Variants in DBH observed in about 807,000 individuals in gnomAD.
DBH encodes the protein dopamine beta-hydroxylase (dopamine beta-monooxygenase).
DBH carries 49 observed loss-of-function variants against 64.0 expected under a neutral mutation model. That is an observed-to-expected ratio of 0.77 (90% CI 0.61 to 0.97). The LOEUF (loss-of-function observed/expected upper bound fraction) is 0.97. Ranked by LOEUF, DBH falls within the 50% of genes least tolerant of loss-of-function variation. The probability of loss-of-function intolerance (pLI) is 0.00; values close to 1 mark genes in which losing one functional copy is unlikely to be tolerated. For missense variants in DBH, 828 were observed against 826.6 expected (o/e 1.00, Z -0.02); for synonymous variants, 343 against 347.1 (o/e 0.99, Z 0.13).
At chr9:133,642,687 T>C (rs1448779885) in intron 3 of DBH, among the ~76,000 whole-genome samples, 1 of 152,152 alleles carries the variant, frequency 6.6e-6, no homozygotes, top group Non-Finnish European at 1.5e-5. Flanking sequence ...AGCTCCCACT[T>C]CCCTGCCTGG....
At chr9:133,641,290 C>T (rs1832113394) in intron 2 of DBH, among the ~76,000 whole-genome samples, 1 of 152,206 alleles carries the variant, frequency 6.6e-6, no homozygotes, top group Admixed American at 6.5e-5. Flanking sequence ...TGGGGCAGAC[C>T]TGGTGCCAGA....
rs1030189411 is a variant in DBH at position 133,647,708 on chromosome 9, C to T, written c.1025-138C>T. 1.0e-5 allele frequency: 10 copies of T among 1,002,746 alleles called. 1 individual carries two copies. The highest frequency in any genetic ancestry group is 6.9e-5 in the South Asian group (5 of 72,240). The allele number at this position is 1,002,746 out of a possible 1,614,324, so 62.1% of individuals were successfully genotyped here. ...GACAGCCAGCTCTTGGTCTGCCTAG[C>T]AGGTGGGAGCAGATGGGGGGTGACC... On this transcript the variant is annotated intron_variant, in intron 5 of 11. Coordinates refer to ENST00000393056, the MANE Select transcript of DBH (RefSeq NM_000787.4).
intron 7 of DBH, 148 bp downstream of exon 7, chr9:133,651,925 C>A: frequency 1.2e-6 from 1 of 827,328 alleles, no homozygotes; most frequent in Non-Finnish European, 1.9e-6. Context: ...CCCATGTGGC[C>A]TGTGCTCCCC....
intron 7 of DBH, 94 bp downstream of exon 7, chr9:133,651,871 C>T: frequency 7.5e-7 from 1 of 1,324,740 alleles, no homozygotes; most frequent in Non-Finnish European, 1.0e-6. Context: ...AGGGATGGCT[C>T]CAGGCTGGCT....
In DBH at chr9:133,643,934, G is replaced by A. The variant is rs761096985; in HGVS notation, c.922-284G>A. On this transcript the variant is annotated intron_variant, in intron 4 of 11. Transcript: ENST00000393056. The surrounding 1 kb of genome is among the most constrained non-coding windows in gnomAD (Gnocchi z 5.3). The stretch of plus-strand genomic sequence containing the variant: ...TGTTGAGGCCTCCACAGGCTGAGAC[G>A]ATGGGGGTCTCCCCAGCTCTTACAC... Among the ~76,000 whole-genome samples the A allele has an allele frequency of 4.5e-4, 69 of 152,186 alleles. No individual in the cohort carries two copies. The highest frequency in any genetic ancestry group is 9.4e-4 in the Non-Finnish European group (64 of 68,034).
At chr9:133,651,832 C>A (rs1832253305) in intron 7 of DBH, 55 bp downstream of exon 7, 2 of 1,485,882 alleles carry the variant, frequency 1.3e-6, no homozygotes. Context: ...ACCACACGAC[C>A]TCCTGGGTCT....
Position 133,652,974 on chromosome 9 carries a change from C to T in DBH, c.1409C>T (p.Thr470Ile), listed in dbSNP as rs770407025. The T allele has an allele frequency of 8.1e-6, 13 of 1,613,388 alleles. No homozygotes were observed. The highest frequency in any genetic ancestry group is 3.3e-5 in the South Asian group (3 of 91,082). ...DVLITSCTYN[T>I]EDRELATVGG... The stretch of plus-strand genomic sequence containing the variant: ...CTCATCACCTCCTGCACGTACAACA[C>T]AGAAGACCGGGAGCTGGCCACAGTG... The change falls in exon 9 of 12, where the codon ACA (threonine) becomes ATA (isoleucine). Residue 470 changes from threonine to isoleucine, a missense_variant. By Grantham distance (89) the Thr-to-Ile change is moderately conservative. Coordinates refer to ENST00000393056, the MANE Select transcript of DBH (RefSeq NM_000787.4).
intron 1 of DBH, among the ~76,000 whole-genome samples, chr9:133,639,295 G>A (rs1355440151): frequency 6.6e-6 from 1 of 151,886 alleles, no homozygotes; most frequent in Non-Finnish European, 1.5e-5. Flanking sequence ...TTGTTCTCAG[G>A]GTTGTGCCAG....
Position 133,648,009 on chromosome 9 carries a change from G to C in DBH, c.1188G>C (p.Gln396His). The change falls in exon 6 of 12, where the codon CAG becomes CAC. Residue 396 changes from glutamine (Q) to histidine (H), a missense_variant. Coordinates refer to ENST00000393056, the MANE Select transcript of DBH (RefSeq NM_000787.4). ...GCTACTGCACGGACAAGTGCACCCA[G>C]CTGGTGAGTGGGGCTGGGCCCGGCA... ...LTGYCTDKCT[Q>H]LALPPSGIHI... is the part of the protein sequence containing the mutation. The C allele has an allele frequency of 6.2e-7, 1 of 1,611,784 alleles. No homozygotes were observed. Among genetic ancestry groups the C allele is most frequent in the South Asian group, 1.1e-5 (1 of 90,702 alleles).
chr9:133,651,472 C>A (rs569878240), intron 6 of DBH, among the ~76,000 whole-genome samples, 162 bp from the exon 7 acceptor site: 16 of 152,366 alleles, frequency 1.1e-4, no homozygotes, highest in Admixed American at 9.1e-4. Context: ...CGTGAGGTTT[C>A]TGATGGTGGC....
intron 11 of DBH, among the ~76,000 whole-genome samples, chr9:133,658,080 G>C (rs572004993): frequency 6.6e-6 from 1 of 151,856 alleles, no homozygotes; most frequent in Non-Finnish European, 1.5e-5. Context: ...GGACAGAGGC[G>C]GGGAGAGGCC....
intron 4 of DBH, 130 bp from the exon 5 acceptor site, chr9:133,644,088 G>T: frequency 2.6e-6 from 2 of 765,932 alleles, no homozygotes; most frequent in South Asian, 2.7e-5. Flanking sequence ...AGGAAGCATC[G>T]CTCTAATCCT....
chr9:133,658,491 C>T lies in DBH; in HGVS notation c.*44C>T. ...CCCTCCTCCATGCTGTCCCTGTGGG[C>T]TCACACCGGCACTGTGCACTCTACT... On this transcript the variant is annotated 3_prime_UTR_variant, in exon 12 of 12. Coordinates refer to ENST00000393056, the MANE Select transcript of DBH (RefSeq NM_000787.4). 1 of 1,564,676 alleles carries T rather than the reference C, an allele frequency of 6.4e-7. No individual in the cohort carries two copies. Among genetic ancestry groups the T allele is most frequent in the South Asian group, 1.2e-5 (1 of 83,548 alleles).
At position 133,651,648 on chromosome 9, in the gene DBH, C is replaced by T. The variant is rs143743431; in HGVS notation, c.1206C>T (p.Ser402=). The change falls in exon 7 of 12, where the codon TCC becomes TCT. Residue 402 remains serine, a synonymous_variant. Transcript: ENST00000393056. ...DKCTQLALPP[S]GIHIFASQLH... ...CGACCCCACAGGCACTGCCTCCCTC[C>T]GGGATCCACATCTTCGCCTCTCAGC... The T allele has an allele frequency of 7.3e-4, 1,184 of 1,613,742 alleles. 10 individuals are homozygous for T. In the African/African-American group the frequency reaches 0.013, roughly 18 times the overall value.
At chr9:133,638,119 T>C (rs543016138) in intron 1 of DBH, among the ~76,000 whole-genome samples, 17 of 152,368 alleles carry the variant, frequency 1.1e-4, no homozygotes, top group African/African-American at 4.1e-4. Flanking sequence ...GCCAGGTGAC[T>C]TTGCCTTTCC....
rs368570640 is a variant in DBH at position 133,645,115 on chromosome 9, C to T, written c.1024+795C>T. ...AGGCTGTGCCTCACCACCTTGGGGACGCTGGGTGGATGACCTCACCCGCTG... is the reference window on the plus strand; with the variant it reads ...AGGCTGTGCCTCACCACCTTGGGGATGCTGGGTGGATGACCTCACCCGCTG... On this transcript the variant is annotated intron_variant, in intron 5 of 11. Transcript: ENST00000393056. Among the ~76,000 whole-genome samples the T allele has an allele frequency of 1.4e-4, 22 of 152,242 alleles. No homozygotes were observed. In the East Asian group the frequency reaches 2.1e-3, roughly 15 times the overall value.
chr9:133,653,022 T>C, intron 9 of DBH, 23 bp downstream of exon 9: 2 of 1,588,578 alleles, frequency 1.3e-6, no homozygotes, highest in South Asian at 1.1e-5. Flanking sequence ...CGCTTCCCCC[T>C]GCACCTGCCC....
At chr9:133,642,794 CGAGTCA>C (rs1446189909) in intron 3 of DBH, among the ~76,000 whole-genome samples, 1 of 152,182 alleles carries the variant, frequency 6.6e-6, no homozygotes, top group Non-Finnish European at 1.5e-5. Context: ...AAAAGCAGCT[CGAGTCA>C]GAACTCACTT....
In DBH at chr9:133,642,371, A is replaced by C. The variant is rs746895035; in HGVS notation, c.651A>C (p.Gln217His). The C allele has an allele frequency of 1.7e-5, 27 of 1,614,124 alleles. No individual in the cohort carries two copies. Among genetic ancestry groups the C allele is most frequent in the Non-Finnish European group, 2.3e-5 (27 of 1,180,012 alleles). The change falls in exon 3 of 12, where the codon CAA (glutamine) becomes CAC (histidine). Residue 217 changes from glutamine (Q) to histidine (H), a missense_variant. Gln to His is a conservative substitution (Grantham distance 24, BLOSUM62 0). Transcript: ENST00000393056. ...LPSDACTMEVQAPNIQIPSQE... is the reference protein window; with the variant it reads ...LPSDACTMEVHAPNIQIPSQE... ...CAGACGCGTGCACCATGGAGGTCCA[A>C]GCTCCCAATATCCAGATCCCCAGCC...
Sources: allele counts gnomAD v4.1 joint callset (sites outside exome capture counted in the v4.1 genomes callset), GRCh38; gene constraint gnomAD v4.1.1; non-coding constraint Gnocchi (gnomAD v3.1); transcripts MANE v1.5; gene names NCBI Gene and HGNC (gene_info 2026-07-23, HGNC 2026-07-21).